TMEM223: variants seen among roughly 807,000 people sequenced by gnomAD.
The protein encoded by TMEM223 is transmembrane protein 223.
Under a neutral mutation model 14.1 loss-of-function variants are expected in TMEM223, and 14 were observed. The ratio of observed to expected loss-of-function variants is 0.99; its 90% CI spans 0.66 to 1.55. The LOEUF (loss-of-function observed/expected upper bound fraction) is 1.55, where lower values mean the gene tolerates loss of function less well. TMEM223 is among the 40% of genes most tolerant of loss of function. TMEM223 has a pLI of 0.00. For synonymous variants in TMEM223, 145 were observed against 120.5 expected (o/e 1.20, Z -1.33); for missense variants, 346 against 269.9 (o/e 1.28, Z -1.97).
chr11:62,791,816 G>A lies in TMEM223; in HGVS notation c.179C>T (p.Ala60Val), dbSNP rs776458158. ...GGACACGGCTGCCACAGCCATGGAAGCCCAGAAGACGCCCTGGCCCGCGCA... is the reference window on the plus strand; with the variant it reads ...GGACACGGCTGCCACAGCCATGGAAACCCAGAAGACGCCCTGGCCCGCGCA... The part of the protein sequence containing the change: ...LFCAGQGVFW[A>V]SMAVAAVSRP... Residue 60 changes from alanine to valine, a missense_variant, in exon 1 of 2, where the codon GCT becomes GTT. Ala to Val is a moderately conservative substitution (Grantham distance 64). Transcript: ENST00000307366. The A allele has an allele frequency of 8.2e-6, 13 of 1,584,274 alleles. No individual in the cohort carries two copies. The South Asian group carries it at 1.3e-4, about 15-fold the overall frequency.
chr11:62,775,966 C>G, intron 1 of TMEM223: 2 of 1,570,802 alleles, frequency 1.3e-6, no homozygotes, highest in African/African-American at 1.4e-5. Flanking sequence ...CTCCAACTTT[C>G]CTTGTTTCTG....
rs1054816539 is a variant in TMEM223, at chr11:62,776,242, G to T, written c.315-1577C>A. On this transcript the variant is annotated intron_variant, in intron 1 of 2. Transcript: ENST00000528367. ...ACACCCGGGGGGTGTTTTTGTACAG[G>T]AGCAGAGACGGAATCTAGGCTTCTG... The T allele has an allele frequency of 2.4e-5, 20 of 821,472 alleles. No individual in the cohort carries two copies. The East Asian group carries it at 5.4e-4, about 22-fold the overall frequency. The allele number at this position is 821,472 out of a possible 1,614,324, so 50.9% of individuals were successfully genotyped here. A position where few individuals can be genotyped will look rare whatever the true frequency, so the allele number is the denominator to read the frequency against.
At chr11:62,775,738 G>T in intron 1 of TMEM223, 1 of 1,572,734 alleles carries the variant, frequency 6.4e-7, no homozygotes, top group Non-Finnish European at 8.6e-7. Flanking sequence ...GGGAGGCTGG[G>T]CAGCTTTTCC....
Position 62,778,928 on chromosome 11 carries a change from C to T in TMEM223, c.315-4263G>A, listed in dbSNP as rs1394454499. On this transcript the variant is annotated intron_variant, in intron 1 of 2. Coordinates refer to the TMEM223 transcript ENST00000528367. Reference sequence around the variant, plus strand: ...TCTCAAGTACTATCACCAGGTGACTCGTGCTGTGCTAGGGGATGATCCGCA... The same window carrying T: ...TCTCAAGTACTATCACCAGGTGACTTGTGCTGTGCTAGGGGATGATCCGCA... The T allele has an allele frequency of 1.2e-6, 2 of 1,613,760 alleles. No individual in the cohort carries two copies. The highest frequency in any genetic ancestry group is 1.7e-6 in the Non-Finnish European group (2 of 1,179,874).
downstream of TMEM223, chr11:62,789,045 C>T (rs756755482): frequency 2.5e-5 from 41 of 1,613,882 alleles, no homozygotes; most frequent in African/African-American, 5.3e-5. Flanking sequence ...GGTAGATGTC[C>T]CCTGTATGGT....
At chr11:62,786,174 T>C, downstream of TMEM223, 1 of 1,510,228 alleles carries the variant, frequency 6.6e-7, no homozygotes, top group Non-Finnish European at 9.0e-7. Context: ...GGATCAGAGA[T>C]AAAGGTAGGT....
Position 62,789,985 on chromosome 11 carries a change from G to C in TMEM223, c.*638C>G, listed in dbSNP as rs762466330. The C allele has an allele frequency of 3.1e-6, 5 of 1,614,014 alleles. No homozygotes were observed. The highest frequency in any genetic ancestry group is 3.4e-6 in the Non-Finnish European group (4 of 1,179,986). ...CACCCCATACCGGCCTCTGGAGAGG[G>C]GTGACCCTGAGTGGAGCTCTGAGAC... On this transcript the variant is annotated 3_prime_UTR_variant, in exon 2 of 2. Coordinates refer to ENST00000307366, the MANE Select transcript of TMEM223 (RefSeq NM_001080501.3).
downstream of TMEM223, chr11:62,787,370 C>A: frequency 6.5e-7 from 1 of 1,540,376 alleles, no homozygotes; most frequent in Non-Finnish European, 8.7e-7. Context: ...TGGGTCGCGC[C>A]GGATAAGGTG....
In TMEM223 at chr11:62,790,431, G is replaced by GT. The variant is rs75388959; in HGVS notation, c.*191dup. 27,881 of 563,780 alleles carry GT rather than the reference G, an allele frequency of 0.049. 768 individuals are homozygous for GT. The highest frequency in any genetic ancestry group is 0.13 in the East Asian group (3,989 of 31,488). The allele number at this position is 563,780 out of a possible 1,614,324, so 34.9% of individuals were successfully genotyped here. A position where few individuals can be genotyped will look rare whatever the true frequency, so the allele number is the denominator to read the frequency against. Reference sequence around the variant, plus strand: ...GTTGTTACTCCATTCTAAGATTGGCGTTTTTTTTTGTTTTTTTTTTTGTAA... The same window carrying GT: ...GTTGTTACTCCATTCTAAGATTGGCGTTTTTTTTTTGTTTTTTTTTTTGTAA... On this transcript the variant is annotated 3_prime_UTR_variant, in exon 2 of 2. Coordinates refer to ENST00000307366, the MANE Select transcript of TMEM223 (RefSeq NM_001080501.3).
At chr11:62,778,485 T>C (rs1475430205) in intron 1 of TMEM223, 3 of 917,238 alleles carry the variant, frequency 3.3e-6, no homozygotes, top group Non-Finnish European at 5.1e-6. Context: ...GGGCTCTGCA[T>C]GGAGGGCTCA....
chr11:62,776,285 C>T, intron 1 of TMEM223: 1 of 1,222,700 alleles, frequency 8.2e-7, no homozygotes, highest in South Asian at 1.2e-5. Context: ...AGCGTGGTCT[C>T]CTGTTTGCCT....
intron 1 of TMEM223, chr11:62,779,046 GT>G: frequency 8.4e-7 from 1 of 1,196,748 alleles, no homozygotes; most frequent in Middle Eastern, 2.0e-4. Flanking sequence ...TTGAGACAGA[GT>G]TTCGCTCTTG....
At chr11:62,786,865 G>T, downstream of TMEM223, 2 of 1,589,222 alleles carry the variant, frequency 1.3e-6, no homozygotes, top group Non-Finnish European at 1.7e-6. Flanking sequence ...GGCAGCCCCG[G>T]ACTCGGTGCG....
chr11:62,787,134 T>C (rs1456899980), downstream of TMEM223: 3 of 1,563,876 alleles, frequency 1.9e-6, no homozygotes, highest in South Asian at 1.1e-5. Context: ...GGCGGCAGGC[T>C]GGGAGGCGCT....
chr11:62,775,062 CAAA>C (rs35218634), intron 1 of TMEM223, among the ~76,000 whole-genome samples: 3 of 62,788 alleles, frequency 4.8e-5, no homozygotes, highest in Admixed American at 1.9e-4. Flanking sequence ...GACTCTGTCT[CAAA>C]AAAAAAAAAA....
downstream of TMEM223, chr11:62,786,590 G>C (rs752088898): frequency 6.3e-7 from 1 of 1,577,948 alleles, no homozygotes; most frequent in South Asian, 1.2e-5. Flanking sequence ...GGTGGCAGGG[G>C]GTGCCGGCGC....
downstream of TMEM223, chr11:62,771,519 C>T: frequency 6.3e-6 from 1 of 158,448 alleles, no homozygotes; most frequent in Non-Finnish European, 1.4e-5. Context: ...GGTCCAAGGA[C>T]TCCCCATTCC....
chr11:62,776,686 A>T (rs2084190671), intron 1 of TMEM223, among the ~76,000 whole-genome samples: 2 of 151,964 alleles, frequency 1.3e-5, no homozygotes, highest in Non-Finnish European at 1.5e-5. Context: ...CCCCTTCTTT[A>T]CTAAAAATAC....
At chr11:62,787,473 T>C (rs1806289092), downstream of TMEM223, 2 of 1,577,618 alleles carry the variant, frequency 1.3e-6, no homozygotes, top group South Asian at 1.1e-5. Flanking sequence ...TTGCGCTCTT[T>C]GCTGCCGCCT....
Sources: allele counts gnomAD v4.1 joint callset (sites outside exome capture counted in the v4.1 genomes callset), GRCh38; gene constraint gnomAD v4.1.1; transcripts MANE v1.5; gene names NCBI Gene and HGNC (gene_info 2026-07-23, HGNC 2026-07-21).